The following RAP1GAP2 variants were observed in gnomAD, a reference collection of about 807,000 sequenced individuals.
RAP1GAP2 encodes rap1 GTPase-activating protein 2.
RAP1GAP2 carries 27 observed loss-of-function variants against 95.0 expected under a neutral mutation model. The observed-to-expected ratio is 0.28, with a 90% CI of 0.21 to 0.39. The LOEUF (loss-of-function observed/expected upper bound fraction) is 0.39, where lower values mean the gene tolerates loss of function less well. Among genes scored for constraint, RAP1GAP2 ranks in the 10% least tolerant of loss-of-function variants. The pLI is 1.00. For missense variants in RAP1GAP2, 771 were observed against 970.0 expected (o/e 0.79, Z 2.72); for synonymous variants, 373 against 380.9 (o/e 0.98, Z 0.24).
At chr17:2,835,023 C>A (rs1167705550) in intron 2 of RAP1GAP2, among the ~76,000 whole-genome samples, 1 of 149,626 alleles carries the variant, frequency 6.7e-6, no homozygotes, top group Non-Finnish European at 1.5e-5. Context: ...AGGTTCATGC[C>A]ATTCTCCTGC....
In RAP1GAP2 at chr17:2,965,505, C is replaced by T. The variant is rs146873396; in HGVS notation, c.493-35C>T. 3.8e-4 allele frequency: 582 copies of T among 1,526,678 alleles called. 3 individuals carry two copies. Among genetic ancestry groups the T allele is most frequent in the Non-Finnish European group, 4.7e-4 (527 of 1,115,744 alleles). 94.6% of individuals were successfully genotyped at this position (1,526,678 alleles called of 1,614,324 possible). A position where few individuals can be genotyped will look rare whatever the true frequency, so the allele number is the denominator to read the frequency against. On this transcript the variant is annotated intron_variant, in intron 7 of 24. Transcript: ENST00000254695. The surrounding 1 kb of genome is among the most constrained non-coding windows in gnomAD (Gnocchi z 4.7). Reference sequence around the variant, plus strand: ...GGGGAACATACCTGGAAGGTTTCTTCCTCCTTCCTGCTCACACTCAGTTTC... The same window carrying T: ...GGGGAACATACCTGGAAGGTTTCTTTCTCCTTCCTGCTCACACTCAGTTTC...
At chr17:2,991,210 G>C in intron 11 of RAP1GAP2, 87 bp from the exon 12 acceptor site, 1 of 1,074,376 alleles carries the variant, frequency 9.3e-7, no homozygotes, top group South Asian at 1.4e-5. Context: ...GGAAGAAAGG[G>C]ACCAGGTACC....
At chr17:2,852,996 G>A (rs933329933) in intron 2 of RAP1GAP2, among the ~76,000 whole-genome samples, 1 of 152,114 alleles carries the variant, frequency 6.6e-6, no homozygotes, top group Non-Finnish European at 1.5e-5. Context: ...GGGTGGGCGC[G>A]GGGAGGGCGG....
intron 2 of RAP1GAP2, among the ~76,000 whole-genome samples, chr17:2,800,861 T>C (rs1274747863): frequency 6.8e-6 from 1 of 147,138 alleles, no homozygotes; most frequent in Non-Finnish European, 1.5e-5. Flanking sequence ...CTTTCTTTTT[T>C]TTTTTTTGAG....
intron 3 of RAP1GAP2, among the ~76,000 whole-genome samples, chr17:2,955,763 TTA>T (rs1181433337): frequency 6.6e-6 from 1 of 152,236 alleles, no homozygotes; most frequent in Non-Finnish European, 1.5e-5. Context: ...TTGTGATAGG[TTA>T]TGTTTTTCAG....
chr17:2,852,900 G>A (rs557079344), intron 2 of RAP1GAP2, among the ~76,000 whole-genome samples: 25 of 152,142 alleles, frequency 1.6e-4, no homozygotes, highest in Non-Finnish European at 3.1e-4. Context: ...CCGACCTTCC[G>A]CCCTTCCTTT....
At chr17:3,007,128 A>G (rs1433281579) in intron 16 of RAP1GAP2, among the ~76,000 whole-genome samples, 1 of 152,040 alleles carries the variant, frequency 6.6e-6, no homozygotes, top group Non-Finnish European at 1.5e-5. Flanking sequence ...GTCAGGAGGG[A>G]GCTCCTGAGG....
chr17:2,960,484 A>C (rs1437384459), intron 4 of RAP1GAP2, among the ~76,000 whole-genome samples: 2 of 152,114 alleles, frequency 1.3e-5, no homozygotes, highest in African/African-American at 4.8e-5. Context: ...CTGCAAGGCG[A>C]CTCAGCCCAG....
chr17:2,883,711 G>A (rs967835714), intron 2 of RAP1GAP2, among the ~76,000 whole-genome samples: 2 of 152,186 alleles, frequency 1.3e-5, no homozygotes, highest in Non-Finnish European at 2.9e-5. Flanking sequence ...CGGCTTTTGA[G>A]CTCTGGGCAT....
chr17:3,037,105 C>T lies in RAP1GAP2; in HGVS notation c.*3744C>T, dbSNP rs556975372. The T allele has an allele frequency of 6.6e-6, 1 of 152,630 alleles. No individual in the cohort carries two copies. Among genetic ancestry groups the T allele is most frequent in the South Asian group, 2.1e-4 (1 of 4,816 alleles). 9.5% of individuals were successfully genotyped at this position (152,630 alleles called of 1,614,324 possible). ...CTGGCTGGGGTATTCTTTTACCAAA[C>T]TCTGTTTTACCGCCAGCCCCTTGTA... is the stretch of plus-strand genomic sequence containing the variant. On this transcript the variant is annotated 3_prime_UTR_variant, in exon 25 of 25. Transcript: ENST00000254695.
At chr17:2,786,494 C>T (rs1018263434) in intron 1 of RAP1GAP2, among the ~76,000 whole-genome samples, 3 of 152,254 alleles carry the variant, frequency 2.0e-5, no homozygotes, top group African/African-American at 7.2e-5. Flanking sequence ...TCCTGGGAGG[C>T]GCCAGGTGCC....
intron 1 of RAP1GAP2, among the ~76,000 whole-genome samples, chr17:2,756,904 G>A (rs1421789510): frequency 6.6e-6 from 1 of 152,112 alleles, no homozygotes; most frequent in African/African-American, 2.4e-5. Flanking sequence ...TTTGAACCAG[G>A]TCTTGCTCAG....
intron 3 of RAP1GAP2, among the ~76,000 whole-genome samples, chr17:2,927,329 A>AT (rs1012803155): frequency 3.3e-5 from 5 of 150,416 alleles, no homozygotes; most frequent in East Asian, 2.0e-4. Context: ...AATTTTTTGT[A>AT]TTTTTAGTAG....
Position 2,827,076 on chromosome 17 carries a change from G to A in RAP1GAP2, c.80+26526G>A, listed in dbSNP as rs2070600859. ...AAAGAGAAAGTCCCATGGAAATGGG[G>A]GTTTCACATTTGGGGGATTTGCAAA... On this transcript the variant is annotated intron_variant, in intron 2 of 24. Coordinates refer to ENST00000254695, the MANE Select transcript of RAP1GAP2 (RefSeq NM_015085.5). This position sits in a 1 kb window ranked among gnomAD's most constrained non-coding sequence, Gnocchi z 4.1. Among the ~76,000 whole-genome samples the A allele has an allele frequency of 6.6e-6, 1 of 152,156 alleles. No homozygotes were observed. The highest frequency in any genetic ancestry group is 2.4e-5 in the African/African-American group (1 of 41,448).
At chr17:2,831,809 C>G (rs757849383) in intron 2 of RAP1GAP2, among the ~76,000 whole-genome samples, 1 of 151,918 alleles carries the variant, frequency 6.6e-6, no homozygotes, top group Non-Finnish European at 1.5e-5. Context: ...GTTGGAGGAT[C>G]CCTTGAGCCC....
At chr17:3,019,941 C>T (rs1045428576) in intron 18 of RAP1GAP2, among the ~76,000 whole-genome samples, 5 of 152,262 alleles carry the variant, frequency 3.3e-5, no homozygotes, top group Non-Finnish European at 7.3e-5. Context: ...TGGCTGCCGC[C>T]AACCGCCCAT....
chr17:2,756,306 C>A (rs59063966), intron 1 of RAP1GAP2, among the ~76,000 whole-genome samples: 34,059 of 152,212 alleles, frequency 0.22, 4,141 homozygotes, highest in East Asian at 0.5. Flanking sequence ...CCTAGGAGAC[C>A]AGGGCAGGGG....
At chr17:2,990,187 C>T (rs1026764477) in intron 11 of RAP1GAP2, among the ~76,000 whole-genome samples, 1 of 152,200 alleles carries the variant, frequency 6.6e-6, no homozygotes, top group Non-Finnish European at 1.5e-5. Context: ...ATGAATAGTG[C>T]TGCTATTGAT....
At chr17:2,884,686 A>G (rs1279348607) in intron 2 of RAP1GAP2, among the ~76,000 whole-genome samples, 4 of 151,970 alleles carry the variant, frequency 2.6e-5, no homozygotes, top group Non-Finnish European at 5.9e-5. Flanking sequence ...GCGTTCTTGA[A>G]TTTGAATTCT....
Sources: allele counts gnomAD v4.1 joint callset (sites outside exome capture counted in the v4.1 genomes callset), GRCh38; gene constraint gnomAD v4.1.1; non-coding constraint Gnocchi (gnomAD v3.1); transcripts MANE v1.5; gene names NCBI Gene and HGNC (gene_info 2026-07-23, HGNC 2026-07-21).